The following MSRA variants were observed in gnomAD, a reference collection of about 807,000 sequenced individuals.
MSRA encodes the protein methionine sulfoxide reductase A, also known as mitochondrial peptide methionine sulfoxide reductase.
MSRA carries 54 observed loss-of-function variants against 31.3 expected under a neutral mutation model. The observed-to-expected ratio is 1.73, with a 90% confidence interval of 1.39 to 2.17. The LOEUF (loss-of-function observed/expected upper bound fraction) is 2.17. Ranked by LOEUF, MSRA falls within the 30% of genes most tolerant of loss-of-function variation. MSRA has a pLI of 0.00. For missense variants in MSRA, 507 were observed against 300.9 expected, an observed-to-expected ratio of 1.69 and a Z score of -5.07; for synonymous variants, 169 against 116.5, an observed-to-expected ratio of 1.45 and a Z score of -2.90.
At chr8:10,145,411 C>T (rs917772957) in intron 1 of MSRA, among the ~76,000 whole-genome samples, 3 of 152,198 alleles carry the variant, frequency 2.0e-5, no homozygotes, top group Non-Finnish European at 2.9e-5. Flanking sequence ...CATGTTAAGG[C>T]AGCATCTCGC....
intron 3 of MSRA, among the ~76,000 whole-genome samples, chr8:10,257,641 C>T (rs915587526): frequency 1.3e-5 from 2 of 152,126 alleles, no homozygotes; most frequent in East Asian, 3.9e-4. Context: ...CTCCTGATCC[C>T]AGGTGATTCA....
chr8:10,174,879 G>C (rs539104848), intron 1 of MSRA, among the ~76,000 whole-genome samples: 45 of 152,140 alleles, frequency 3.0e-4, no homozygotes, highest in South Asian at 8.3e-4. Flanking sequence ...TCTGTCCTCT[G>C]GTGTCTGTCA....
At chr8:10,100,458 T>A (rs1585145143) in intron 1 of MSRA, among the ~76,000 whole-genome samples, 1 of 151,780 alleles carries the variant, frequency 6.6e-6, no homozygotes, top group Non-Finnish European at 1.5e-5. Context: ...GAATAGCAGG[T>A]ATTGGGAGAA....
At chr8:10,223,159 G>A (rs1052017408) in intron 2 of MSRA, among the ~76,000 whole-genome samples, 1 of 152,126 alleles carries the variant, frequency 6.6e-6, no homozygotes, top group South Asian at 2.1e-4. Flanking sequence ...GAGTATTTAG[G>A]TATTACTATT....
At chr8:10,244,809 C>A (rs190307180) in intron 2 of MSRA, among the ~76,000 whole-genome samples, 2 of 151,970 alleles carry the variant, frequency 1.3e-5, no homozygotes, top group Admixed American at 1.3e-4. Flanking sequence ...AATAGTTACC[C>A]CCTTACTGTG....
At chr8:10,218,205 G>T (rs1038520804) in intron 2 of MSRA, among the ~76,000 whole-genome samples, 1 of 151,658 alleles carries the variant, frequency 6.6e-6, no homozygotes, top group African/African-American at 2.4e-5. Context: ...GGAGTGTAGT[G>T]GTGCGGTCTT....
At chr8:10,168,907 C>G (rs1805368182) in intron 1 of MSRA, among the ~76,000 whole-genome samples, 1 of 152,098 alleles carries the variant, frequency 6.6e-6, no homozygotes, top group African/African-American at 2.4e-5. Flanking sequence ...ACAGATAATT[C>G]CAGTTGATTT....
intron 5 of MSRA, among the ~76,000 whole-genome samples, chr8:10,403,432 G>T (rs1250588024): frequency 6.6e-6 from 1 of 152,192 alleles, no homozygotes; most frequent in African/African-American, 2.4e-5. Flanking sequence ...CCTTCTCCAG[G>T]GCCACAGGAA....
chr8:10,162,081 C>A (rs146402072), intron 1 of MSRA, among the ~76,000 whole-genome samples: 26 of 151,972 alleles, frequency 1.7e-4, no homozygotes, highest in African/African-American at 6.3e-4. Flanking sequence ...GAAGCAGGGC[C>A]GTAGGAATTC....
At chr8:10,139,504 T>A (rs1453128602) in intron 1 of MSRA, among the ~76,000 whole-genome samples, 1 of 152,182 alleles carries the variant, frequency 6.6e-6, no homozygotes, top group East Asian at 1.9e-4. Flanking sequence ...CATTAAGCAA[T>A]TTCTCATCCC....
At chr8:10,194,761 G>T (rs893034212) in intron 1 of MSRA, among the ~76,000 whole-genome samples, 6 of 152,166 alleles carry the variant, frequency 3.9e-5, no homozygotes, top group Non-Finnish European at 4.4e-5. Context: ...GTTTAAGCAT[G>T]AGGCTGATCA....
intron 5 of MSRA, among the ~76,000 whole-genome samples, chr8:10,407,730 G>T (rs12549419): frequency 0.13 from 19,089 of 152,158 alleles, 2,074 homozygotes; most frequent in East Asian, 0.44. Context: ...GGGGCACAGA[G>T]TGAGGCACAG....
intron 1 of MSRA, among the ~76,000 whole-genome samples, chr8:10,161,403 AG>A (rs1804634400): frequency 6.6e-6 from 1 of 152,164 alleles, no homozygotes; most frequent in African/African-American, 2.4e-5. Context: ...TGAGTCCCCA[AG>A]CACTGCTGAA....
At chr8:10,409,889 C>A (rs1808051642) in intron 5 of MSRA, among the ~76,000 whole-genome samples, 1 of 152,150 alleles carries the variant, frequency 6.6e-6, no homozygotes, top group Non-Finnish European at 1.5e-5. Flanking sequence ...TAGACCCTGT[C>A]TCTACAGAAA....
intron 5 of MSRA, among the ~76,000 whole-genome samples, chr8:10,344,055 G>C (rs1175071654): frequency 6.6e-6 from 1 of 152,192 alleles, no homozygotes; most frequent in East Asian, 1.9e-4. Context: ...GCCTGGAACT[G>C]ACATAAGATC....
intron 2 of MSRA, among the ~76,000 whole-genome samples, chr8:10,212,778 C>G (rs1809622845): frequency 6.6e-6 from 1 of 152,070 alleles, no homozygotes; most frequent in South Asian, 2.1e-4. Flanking sequence ...GCTATGTAGC[C>G]TTTAAAACCC....
chr8:10,236,517 A>G lies in MSRA; in HGVS notation c.212-8587A>G, dbSNP rs149548973. 2.4e-3 allele frequency among the ~76,000 whole-genome samples: 368 copies of G among 152,332 alleles called. 4 individuals carry two copies. The highest frequency in any genetic ancestry group is 8.4e-3 in the African/African-American group (351 of 41,584). On this transcript the variant is annotated intron_variant, in intron 2 of 5. Transcript: ENST00000317173. ...ATAACAGCACCACAAATCATGGGGT[A>G]CATAGAACTATATGTAATACAAATA...
chr8:10,085,124 C>T (rs1472033013), intron 1 of MSRA, among the ~76,000 whole-genome samples: 3 of 152,176 alleles, frequency 2.0e-5, no homozygotes, highest in Admixed American at 1.3e-4. Context: ...GTGGGTGCTT[C>T]GGGCCTCTGG....
intron 1 of MSRA, among the ~76,000 whole-genome samples, chr8:10,107,447 C>G (rs756294768): frequency 2.6e-5 from 4 of 152,128 alleles, no homozygotes; most frequent in Non-Finnish European, 4.4e-5. Context: ...GGTACTCGTA[C>G]TCAGTGCCTA....
Sources: allele counts gnomAD v4.1 joint callset (sites outside exome capture counted in the v4.1 genomes callset), GRCh38; gene constraint gnomAD v4.1.1; transcripts MANE v1.5; gene names NCBI Gene and HGNC (gene_info 2026-07-23, HGNC 2026-07-21).